Variants in IL16 observed in about 807,000 individuals in gnomAD.
IL16 encodes the protein pro-interleukin-16.
In IL16, 67 loss-of-function variants were observed where a neutral mutation model predicts 110.1. That is an observed-to-expected ratio of 0.61 (90% CI 0.50 to 0.75). The LOEUF is 0.75. Ranked by LOEUF, IL16 falls within the 30% of genes least tolerant of loss-of-function variation. IL16 has a pLI of 0.00. For synonymous variants in IL16, 689 were observed against 662.9 expected (o/e 1.04, Z -0.61); for missense variants, 1,545 against 1,655.0 (o/e 0.93, Z 1.15).
At chr15:81,208,233 C>T (rs1896108463) in intron 1 of IL16, among the ~76,000 whole-genome samples, 1 of 151,996 alleles carries the variant, frequency 6.6e-6, no homozygotes, top group Non-Finnish European at 1.5e-5. Context: ...TTGGTTTTTG[C>T]TTGTTGATTT....
chr15:81,222,374 GTTTTT>G (rs3086708), intron 1 of IL16, among the ~76,000 whole-genome samples: 1 of 137,040 alleles, frequency 7.3e-6, no homozygotes, highest in East Asian at 2.1e-4. Flanking sequence ...TTCCAGGAGG[GTTTTT>G]TTTTTTTTTT....
chr15:81,264,385 C>T (rs1391950361), intron 3 of IL16, among the ~76,000 whole-genome samples: 1 of 152,206 alleles, frequency 6.6e-6, no homozygotes, highest in Non-Finnish European at 1.5e-5. Flanking sequence ...TTGTTCCTTT[C>T]CTCATCCCCT....
At chr15:81,273,552 C>G (rs1898746070) in intron 6 of IL16, among the ~76,000 whole-genome samples, 1 of 152,156 alleles carries the variant, frequency 6.6e-6, no homozygotes, top group Non-Finnish European at 1.5e-5. Context: ...CATCCAAGAT[C>G]CTGTCTCAGT....
intron 1 of IL16, among the ~76,000 whole-genome samples, chr15:81,222,420 T>C (rs1595962348): frequency 6.6e-6 from 1 of 151,076 alleles, no homozygotes; most frequent in East Asian, 1.9e-4. Flanking sequence ...TTGGTTTGCA[T>C]AACTGCATAG....
At position 81,313,868 on chromosome 15, in the gene IL16, A is replaced by G. The variant is rs1900999964; in HGVS notation, c.*5070A>G. 6.6e-6 allele frequency: 1 copy of G among 152,318 alleles called. No individual in the cohort carries two copies. Among genetic ancestry groups the G allele is most frequent in the South Asian group, 2.1e-4 (1 of 4,830 alleles). The allele number at this position is 152,318 out of a possible 1,614,324, so 9.4% of individuals were successfully genotyped here. Reference sequence around the variant, plus strand: ...ATGTGATTCGCCTTCTCTCACATGCATACAGTGGGGTTTTCCGGAGGTTAC... The same window carrying G: ...ATGTGATTCGCCTTCTCTCACATGCGTACAGTGGGGTTTTCCGGAGGTTAC... On this transcript the variant is annotated 3_prime_UTR_variant, in exon 19 of 19. Transcript: ENST00000683961.
chr15:81,288,853 G>T (rs1235633106), intron 10 of IL16, among the ~76,000 whole-genome samples: 1 of 152,098 alleles, frequency 6.6e-6, no homozygotes, highest in African/African-American at 2.4e-5. Flanking sequence ...GTGTGTGCGT[G>T]TGTGTGTATC....
exon 1 of IL16, chr15:81,182,796 C>A (rs1285079079): frequency 1.8e-6 from 2 of 1,112,750 alleles, no homozygotes; most frequent in Admixed American, 4.6e-5. Context: ...TCCCATGGAC[C>A]CCTGATCCTG....
intron 1 of IL16, among the ~76,000 whole-genome samples, chr15:81,188,912 C>T (rs982977145): frequency 2.0e-5 from 3 of 152,156 alleles, no homozygotes; most frequent in Admixed American, 1.3e-4. Context: ...GGCAGACACA[C>T]GGATGAGAGA....
chr15:81,235,833 A>G (rs1245320587), intron 2 of IL16, among the ~76,000 whole-genome samples: 1 of 152,196 alleles, frequency 6.6e-6, no homozygotes, highest in Non-Finnish European at 1.5e-5. Flanking sequence ...GTCTATTCAC[A>G]TGGCCCAAAC....
intron 6 of IL16, 124 bp from the exon 7 acceptor site, chr15:81,278,693 T>C: frequency 1.4e-6 from 1 of 722,848 alleles, no homozygotes; most frequent in East Asian, 2.6e-5. Flanking sequence ...TGAGAAAATG[T>C]TCTTCCAGAG....
chr15:81,211,330 C>T (rs986082102), intron 1 of IL16, among the ~76,000 whole-genome samples: 1 of 151,908 alleles, frequency 6.6e-6, no homozygotes, highest in African/African-American at 2.4e-5. Flanking sequence ...CTGCTGACTG[C>T]AACCTCCACC....
At chr15:81,229,585 G>A (rs759178177) in intron 2 of IL16, among the ~76,000 whole-genome samples, 1 of 152,102 alleles carries the variant, frequency 6.6e-6, no homozygotes, top group African/African-American at 2.4e-5. Flanking sequence ...AGAGTGAATT[G>A]TAAGCAAGGG....
rs1420224376 is a variant in IL16 at position 81,188,433 on chromosome 15, G to T, written c.40+5537G>T. 18 of 456,006 alleles carry T rather than the reference G, an allele frequency of 3.9e-5. 1 individual carries two copies. Among genetic ancestry groups the T allele is most frequent in the Admixed American group, 3.3e-4 (14 of 42,562 alleles). The allele number at this position is 456,006 out of a possible 1,614,324, so 28.2% of individuals were successfully genotyped here. A position where few individuals can be genotyped will look rare whatever the true frequency, so the allele number is the denominator to read the frequency against. ...GTGTTGAACGTCCACTGTATTTCAG[G>T]CAGTGAGAGCGTTCTGTATAAGTCT... On this transcript the variant is annotated intron_variant, in intron 1 of 18. Coordinates refer to the IL16 transcript ENST00000302987.
intron 2 of IL16, among the ~76,000 whole-genome samples, chr15:81,239,151 T>C (rs917197401): frequency 6.6e-6 from 1 of 152,240 alleles, no homozygotes; most frequent in South Asian, 2.1e-4. Context: ...ACATGACTCG[T>C]GAATTCTCAG....
At position 81,301,410 on chromosome 15, in the gene IL16, C is replaced by A; in HGVS notation, c.3216C>A (p.His1072Gln). Residue 1072 changes from histidine to glutamine, a missense_variant, in exon 15 of 19, where the codon CAC (histidine) becomes CAA (glutamine). Around this residue, in one of 3 missense-constraint regions of IL16, gnomAD observed 356 missense variants for 399.3 expected, o/e 0.89. Transcript: ENST00000683961. The part of the protein sequence containing the change: ...TEAKEDDDGD[H>Q]SSLQSGQSVI... ...CCAAGGAAGACGATGATGGGGACCA[C>A]AGTTCCCTTCAGTCTGGTCAGTCCG... is the stretch of plus-strand genomic sequence containing the variant. 1.2e-6 allele frequency: 2 copies of A among 1,613,628 alleles called. No homozygotes were observed. Among genetic ancestry groups the A allele is most frequent in the Non-Finnish European group, 1.7e-6 (2 of 1,179,540 alleles).
intron 4 of IL16, among the ~76,000 whole-genome samples, chr15:81,267,649 TGA>T (rs1398765638): frequency 1.3e-5 from 2 of 152,124 alleles, no homozygotes; most frequent in Non-Finnish European, 2.9e-5. Context: ...TCTAAAGGCC[TGA>T]GAACCAGGAG....
intron 4 of IL16, among the ~76,000 whole-genome samples, chr15:81,267,538 G>A (rs941942042): frequency 1.3e-5 from 2 of 150,976 alleles, no homozygotes; most frequent in Non-Finnish European, 2.9e-5. Flanking sequence ...TAATGAATTG[G>A]TTGGTTTATG....
chr15:81,226,009 G>A (rs1253050175), intron 2 of IL16, among the ~76,000 whole-genome samples: 2 of 152,176 alleles, frequency 1.3e-5, no homozygotes, highest in Non-Finnish European at 2.9e-5. Flanking sequence ...ACACTGGGAA[G>A]CTCTTTTCTC....
intron 9 of IL16, among the ~76,000 whole-genome samples, chr15:81,284,677 A>C (rs140368399): frequency 1.6e-3 from 242 of 152,360 alleles, no homozygotes; most frequent in African/African-American, 5.6e-3. Context: ...AATCAGCCTC[A>C]GGAGGCTAGA....
Sources: allele counts gnomAD v4.1 joint callset (sites outside exome capture counted in the v4.1 genomes callset), GRCh38; gene constraint gnomAD v4.1.1; regional missense constraint gnomAD v4.1.1; transcripts MANE v1.5; gene names NCBI Gene and HGNC (gene_info 2026-07-23, HGNC 2026-07-21).